Variants in SUMF1 observed in about 807,000 individuals in gnomAD.
SUMF1 encodes sulfatase modifying factor 1, also known as formylglycine-generating enzyme.
SUMF1 carries 48 observed loss-of-function variants against 47.6 expected under a neutral mutation model. That is an observed-to-expected ratio of 1.01 (90% CI 0.80 to 1.28). The LOEUF is 1.28. Ranked by LOEUF, SUMF1 falls within the 50% of genes most tolerant of loss-of-function variation. The pLI is 0.00. For synonymous variants in SUMF1, 230 were observed against 192.1 expected (o/e 1.20, Z -1.63); for missense variants, 571 against 485.4 (o/e 1.18, Z -1.66).
At chr3:4,264,300 G>A (rs1342283667) in intron 8 of SUMF1, among the ~76,000 whole-genome samples, 1 of 152,170 alleles carries the variant, frequency 6.6e-6, no homozygotes, top group East Asian at 1.9e-4. Context: ...GCCAGAGCCT[G>A]GAGCTAATGA....
At chr3:4,384,011 T>C (rs988945690) in intron 7 of SUMF1, among the ~76,000 whole-genome samples, 6 of 152,266 alleles carry the variant, frequency 3.9e-5, no homozygotes, top group Admixed American at 6.5e-5. Flanking sequence ...TGACCATTAT[T>C]GCTTTAAACA....
rs114963843 is a variant in SUMF1, at chr3:4,428,543, G to C, written c.520-8397C>G. Among the ~76,000 whole-genome samples the C allele has an allele frequency of 4.8e-3, 736 of 152,064 alleles. 9 individuals are homozygous for C. The highest frequency in any genetic ancestry group is 0.017 in the African/African-American group (685 of 41,458). On this transcript the variant is annotated intron_variant, in intron 3 of 8. Coordinates refer to ENST00000272902, the MANE Select transcript of SUMF1 (RefSeq NM_182760.4). ...TAATTTTTTCAATTTTTGTACAGAT[G>C]GAGTCTCGCTACATTGCCTAGGCTG...
At chr3:4,327,527 A>G (rs1450668752) in intron 8 of SUMF1, among the ~76,000 whole-genome samples, 1 of 151,990 alleles carries the variant, frequency 6.6e-6, no homozygotes, top group African/African-American at 2.4e-5. Context: ...ATTGTCAAGG[A>G]AATTTGGTTA....
chr3:4,406,240 A>G (rs1222873673), intron 7 of SUMF1, among the ~76,000 whole-genome samples: 2 of 152,358 alleles, frequency 1.3e-5, no homozygotes, highest in South Asian at 2.1e-4. Flanking sequence ...TTCATCCAGT[A>G]TAATTATTTC....
At chr3:4,409,324 A>C (rs1701468777) in intron 7 of SUMF1, among the ~76,000 whole-genome samples, 1 of 152,252 alleles carries the variant, frequency 6.6e-6, no homozygotes, top group South Asian at 2.1e-4. Context: ...CCACTGGGAC[A>C]AAGAGAAACC....
chr3:4,113,482 G>C (rs1693355978), intron 8 of SUMF1, among the ~76,000 whole-genome samples: 1 of 151,948 alleles, frequency 6.6e-6, no homozygotes, highest in Non-Finnish European at 1.5e-5. Context: ...GAACCATGAT[G>C]GTGTCACTGC....
chr3:4,183,560 T>A (rs1256836375), intron 8 of SUMF1, among the ~76,000 whole-genome samples: 2 of 152,204 alleles, frequency 1.3e-5, no homozygotes, highest in Non-Finnish European at 1.5e-5. Flanking sequence ...GATTCAGACC[T>A]AATTTAATTT....
At chr3:4,290,652 T>C (rs571836892) in intron 8 of SUMF1, among the ~76,000 whole-genome samples, 1 of 152,280 alleles carries the variant, frequency 6.6e-6, no homozygotes, top group South Asian at 2.1e-4. Context: ...CATAGAACCT[T>C]CTAAATCAAA....
chr3:4,065,400 A>G (rs1462624229), intron 9 of SUMF1, among the ~76,000 whole-genome samples: 1 of 152,150 alleles, frequency 6.6e-6, no homozygotes, highest in East Asian at 1.9e-4. Flanking sequence ...TTGCATGTAA[A>G]TCTGCAGTTC....
At chr3:4,325,654 T>A (rs1698929662) in intron 8 of SUMF1, among the ~76,000 whole-genome samples, 1 of 152,052 alleles carries the variant, frequency 6.6e-6, no homozygotes, top group South Asian at 2.1e-4. Context: ...TTGCTGTTAT[T>A]TCTACTGAAT....
intron 8 of SUMF1, chr3:4,316,433 C>T (rs751461235): frequency 1.5e-5 from 24 of 1,595,440 alleles, no homozygotes; most frequent in Middle Eastern, 1.8e-4. Flanking sequence ...AAGTTGACAA[C>T]GACCAGTTGA....
intron 8 of SUMF1, among the ~76,000 whole-genome samples, chr3:4,134,803 C>T (rs914852435): frequency 2.0e-5 from 3 of 151,984 alleles, no homozygotes; most frequent in African/African-American, 7.3e-5. Flanking sequence ...ACCACCGATC[C>T]CACAGAAATA....
intron 8 of SUMF1, among the ~76,000 whole-genome samples, chr3:4,153,344 A>G (rs1035462846): frequency 5.3e-5 from 8 of 151,504 alleles, no homozygotes; most frequent in Middle Eastern, 3.4e-3. Context: ...TCAAGTAGCT[A>G]GAACTACAGG....
intron 8 of SUMF1, among the ~76,000 whole-genome samples, chr3:4,323,549 G>C (rs995681836): frequency 1.3e-5 from 2 of 152,078 alleles, no homozygotes; most frequent in South Asian, 2.1e-4. Flanking sequence ...TCTCCTTAAA[G>C]ATATTATAAG....
intron 8 of SUMF1, among the ~76,000 whole-genome samples, chr3:4,144,648 A>G (rs948936864): frequency 2.6e-5 from 4 of 152,154 alleles, no homozygotes; most frequent in Admixed American, 6.6e-5. Context: ...AATCCACTCC[A>G]AAACACAAAT....
intron 3 of SUMF1, among the ~76,000 whole-genome samples, chr3:4,434,587 C>G (rs1301763639): frequency 6.6e-6 from 1 of 152,208 alleles, no homozygotes; most frequent in East Asian, 1.9e-4. Flanking sequence ...GTGCTAGGTA[C>G]TGTACCAGGT....
rs994908112 is a variant in SUMF1, at chr3:4,446,290, G to C, written c.519+2976C>G. Among the ~76,000 whole-genome samples, 4 of 150,356 alleles carry C rather than the reference G, an allele frequency of 2.7e-5. No homozygotes were observed. In the South Asian group the frequency reaches 8.3e-4, roughly 31 times the overall value. On this transcript the variant is annotated intron_variant, in intron 3 of 8. Transcript: ENST00000272902. ...GTTTTCCTGTGCTGTTGCCATGATA[G>C]TAAATAAGTCTCACGAGATCTGATG...
At chr3:4,214,584 C>T (rs144325151) in intron 8 of SUMF1, among the ~76,000 whole-genome samples, 7,053 of 151,970 alleles carry the variant, frequency 0.046, 451 homozygotes, top group East Asian at 0.18. Context: ...GACAGAGACA[C>T]GAAAAACCCT....
chr3:4,190,244 G>A (rs779109924), intron 8 of SUMF1, among the ~76,000 whole-genome samples: 24 of 151,250 alleles, frequency 1.6e-4, no homozygotes, highest in Non-Finnish European at 2.9e-4. Context: ...GCAGCTGGAC[G>A]CTAATCATTT....
Sources: gnomAD v4.1 joint callset for allele counts (sites outside exome capture counted in the v4.1 genomes callset) on GRCh38, gnomAD v4.1.1 for gene constraint, MANE v1.5 for transcripts, NCBI Gene and HGNC (gene_info 2026-07-23, HGNC 2026-07-21) for gene names.